The following FRMPD4 variants were observed in gnomAD, a reference collection of about 807,000 sequenced individuals.
The protein encoded by FRMPD4 is FERM and PDZ domain-containing protein 4.
FRMPD4 carries 22 observed loss-of-function variants against 94.1 expected under a neutral mutation model. That is an observed-to-expected ratio of 0.23 (90% CI 0.17 to 0.33). FRMPD4 has a LOEUF of 0.33. Among genes scored for constraint, FRMPD4 ranks in the 10% least tolerant of loss-of-function variants. The pLI is 1.00. For missense variants in FRMPD4, 1,111 were observed against 1,339.9 expected, an observed-to-expected ratio of 0.83 and a Z score of 2.67; for synonymous variants, 631 against 548.6, an observed-to-expected ratio of 1.15 and a Z score of -2.10.
At chrX:12,707,030 CA>C in intron 12 of FRMPD4, 115 bp downstream of exon 12, 1 of 421,957 alleles carries the variant, frequency 2.4e-6, no homozygotes, top group Non-Finnish European at 4.1e-6. Flanking sequence ...CATTTCTAAC[CA>C]ACTTCACAAC....
chrX:12,294,311 A>G (rs1824380133), intron 1 of FRMPD4, among the ~76,000 whole-genome samples: 1 of 111,617 alleles, frequency 9.0e-6, no homozygotes, highest in African/African-American at 3.3e-5. Context: ...GCAACAAAAG[A>G]TACACACCAA....
chrX:12,282,757 A>C (rs917152038), intron 1 of FRMPD4, among the ~76,000 whole-genome samples: 8 of 111,900 alleles, frequency 7.1e-5, no homozygotes, highest in African/African-American at 2.6e-4. Flanking sequence ...GCTTCTTCCA[A>C]GGTTTCCATC....
intron 3 of FRMPD4, among the ~76,000 whole-genome samples, chrX:11,887,755 C>T (rs753329776): frequency 8.1e-5 from 9 of 111,545 alleles, no homozygotes; most frequent in African/African-American, 1.6e-4. Flanking sequence ...TTTGTCTCTC[C>T]GAGAATATTT....
intron 1 of FRMPD4, among the ~76,000 whole-genome samples, chrX:12,439,196 T>G (rs1456545202): frequency 9.0e-6 from 1 of 111,399 alleles, no homozygotes; most frequent in Non-Finnish European, 1.9e-5. Context: ...ACCCAGTGTA[T>G]GCAGCCGTTG....
intron 1 of FRMPD4, among the ~76,000 whole-genome samples, chrX:12,177,953 T>A (rs2056314340): frequency 8.9e-6 from 1 of 111,946 alleles, no homozygotes; most frequent in Admixed American, 9.5e-5. Context: ...CTGTCACTTT[T>A]GTTACCTCTT....
intron 3 of FRMPD4, among the ~76,000 whole-genome samples, chrX:11,922,000 C>T (rs1032403314): frequency 3.4e-4 from 38 of 111,720 alleles, no homozygotes; most frequent in South Asian, 1.1e-3. Flanking sequence ...ATGATTTATT[C>T]GGAGATTTTA....
At chrX:12,656,916 A>G (rs2059662806) in intron 4 of FRMPD4, among the ~76,000 whole-genome samples, 2 of 110,522 alleles carry the variant, frequency 1.8e-5, no homozygotes, top group Non-Finnish European at 3.8e-5. Context: ...GAGAAACCCC[A>G]TCTCTACTAA....
chrX:11,902,886 T>C (rs998780223), intron 3 of FRMPD4, among the ~76,000 whole-genome samples: 1 of 111,804 alleles, frequency 8.9e-6, no homozygotes, highest in African/African-American at 3.3e-5. Flanking sequence ...TGCAGTAATT[T>C]GGGGGAGTGA....
intron 1 of FRMPD4, among the ~76,000 whole-genome samples, chrX:11,840,335 G>C (rs1048486012): frequency 2.7e-5 from 3 of 110,836 alleles, no homozygotes; most frequent in Non-Finnish European, 5.7e-5. Flanking sequence ...ATAATATTGT[G>C]GATGAATTTT....
chrX:12,315,874 T>C (rs1026296635), intron 1 of FRMPD4, among the ~76,000 whole-genome samples: 1 of 111,522 alleles, frequency 9.0e-6, no homozygotes, highest in Admixed American at 9.5e-5. Flanking sequence ...GTTGTGGTTC[T>C]CAACAGGGGG....
intron 2 of FRMPD4, among the ~76,000 whole-genome samples, chrX:12,567,085 C>A (rs1224356517): frequency 1.8e-5 from 2 of 110,890 alleles, no homozygotes; most frequent in Admixed American, 9.6e-5. Flanking sequence ...GGAAAAAAAA[C>A]ACTTTTTTTC....
chrX:11,907,164 A>G (rs1297696235), intron 3 of FRMPD4, among the ~76,000 whole-genome samples: 2 of 110,062 alleles, frequency 1.8e-5, no homozygotes, highest in Non-Finnish European at 3.8e-5. Flanking sequence ...AGTTATTGTG[A>G]TCGTATTTTT....
chrX:12,252,578 G>T (rs1455637308), intron 1 of FRMPD4, among the ~76,000 whole-genome samples: 1 of 112,019 alleles, frequency 8.9e-6, no homozygotes, highest in African/African-American at 3.2e-5. Context: ...AGATGATGAT[G>T]TTCTCACAAG....
At chrX:12,349,982 C>T (rs2055776773) in intron 1 of FRMPD4, among the ~76,000 whole-genome samples, 1 of 111,410 alleles carries the variant, frequency 9.0e-6, no homozygotes, top group African/African-American at 3.3e-5. Context: ...TTGAAATTGA[C>T]AATGGAGCAG....
chrX:12,538,191 T>C (rs2058362103), intron 2 of FRMPD4, among the ~76,000 whole-genome samples: 2 of 111,591 alleles, frequency 1.8e-5, no homozygotes, highest in African/African-American at 6.5e-5. Flanking sequence ...AGCTCGTGCC[T>C]GGCTCAGAGG....
chrX:12,263,700 C>T (rs1174148089), intron 1 of FRMPD4, among the ~76,000 whole-genome samples: 2 of 110,438 alleles, frequency 1.8e-5, no homozygotes. Flanking sequence ...GTTGAGGGTG[C>T]AACCAACAAC....
intron 3 of FRMPD4, among the ~76,000 whole-genome samples, chrX:11,960,498 C>T (rs2054278433): frequency 8.9e-6 from 1 of 111,983 alleles, no homozygotes; most frequent in Non-Finnish European, 1.9e-5. Flanking sequence ...TTTCCTGATG[C>T]AATTTTTTAA....
chrX:11,987,236 A>C (rs2054436370), intron 3 of FRMPD4, among the ~76,000 whole-genome samples: 2 of 110,219 alleles, frequency 1.8e-5, no homozygotes, highest in African/African-American at 6.6e-5. Flanking sequence ...ATCAGGTGGG[A>C]TATATTGTAG....
intron 3 of FRMPD4, among the ~76,000 whole-genome samples, chrX:11,968,635 G>C (rs2147378952): frequency 9.0e-6 from 1 of 111,169 alleles, no homozygotes; most frequent in South Asian, 4.0e-4. Flanking sequence ...CAGGACTTCA[G>C]ATGTTCCTCA....
Sources: allele counts gnomAD v4.1 joint callset (sites outside exome capture counted in the v4.1 genomes callset), GRCh38; gene constraint gnomAD v4.1.1; transcripts MANE v1.5; gene names NCBI Gene and HGNC (gene_info 2026-07-23, HGNC 2026-07-21).